The following DGKB variants were observed in gnomAD, a reference collection of about 807,000 sequenced individuals.
DGKB encodes the protein 90 kDa diacylglycerol kinase.
DGKB carries 67 observed loss-of-function variants against 114.3 expected under a neutral mutation model. That is an observed-to-expected ratio of 0.59 (90% CI 0.48 to 0.72). The LOEUF (loss-of-function observed/expected upper bound fraction) is 0.72. Among genes scored for constraint, DGKB ranks in the 30% least tolerant of loss-of-function variants. The pLI is 0.00. For missense variants in DGKB, 907 were observed against 975.2 expected (o/e 0.93, Z 0.93); for synonymous variants, 398 against 323.1 (o/e 1.23, Z -2.49).
At chr7:14,687,195 C>CTAT (rs143333901) in intron 9 of DGKB, among the ~76,000 whole-genome samples, 2,085 of 152,200 alleles carry the variant, frequency 0.014, 39 homozygotes, top group African/African-American at 0.048. Flanking sequence ...ATAACAAAGT[C>CTAT]TATTGTCTCT....
intron 23 of DGKB, among the ~76,000 whole-genome samples, chr7:14,179,987 C>A (rs1782393492): frequency 6.6e-6 from 1 of 152,158 alleles, no homozygotes; most frequent in Non-Finnish European, 1.5e-5. Flanking sequence ...GTAGCCGGCA[C>A]TAAAATGTGC....
chr7:14,313,202 C>A (rs566521321), intron 23 of DGKB, among the ~76,000 whole-genome samples: 2 of 152,314 alleles, frequency 1.3e-5, no homozygotes, highest in African/African-American at 4.8e-5. Flanking sequence ...TTTTTCCCAA[C>A]TACATATCTG....
chr7:14,829,798 T>G (rs958109261), intron 2 of DGKB, among the ~76,000 whole-genome samples: 4 of 152,154 alleles, frequency 2.6e-5, no homozygotes, highest in African/African-American at 9.6e-5. Context: ...GAAAGCAGCT[T>G]TGGAAAAGAC....
chr7:14,645,863 A>G (rs982919014), intron 13 of DGKB, among the ~76,000 whole-genome samples: 1 of 152,202 alleles, frequency 6.6e-6, no homozygotes, highest in African/African-American at 2.4e-5. Context: ...CAAAAGGATG[A>G]TATCTGCCAT....
Position 14,595,578 on chromosome 7 carries a change from T to A in DGKB, c.1433+11856A>T, listed in dbSNP as rs1563626788. On this transcript the variant is annotated intron_variant, in intron 17 of 25. Transcript: ENST00000402815. ...TATGCAAAATAAATGTGTACAAACT[T>A]TTATAAAAGTGATGTATATATATAA... 5.3e-5 allele frequency among the ~76,000 whole-genome samples: 8 copies of A among 151,092 alleles called. No individual in the cohort carries two copies. In the South Asian group the frequency reaches 1.7e-3, roughly 31 times the overall value.
intron 2 of DGKB, among the ~76,000 whole-genome samples, chr7:14,787,605 A>G (rs1336608001): frequency 2.0e-5 from 3 of 152,180 alleles, no homozygotes; most frequent in African/African-American, 7.2e-5. Flanking sequence ...AAATTCTTAA[A>G]GGTGAAGTGT....
chr7:14,835,561 G>T (rs1216245577), intron 2 of DGKB, among the ~76,000 whole-genome samples: 1 of 152,054 alleles, frequency 6.6e-6, no homozygotes, highest in Non-Finnish European at 1.5e-5. Context: ...CCAAAATAGA[G>T]CCAATCTAAC....
chr7:14,947,421 G>A (rs760516876), intron 1 of DGKB, among the ~76,000 whole-genome samples: 23 of 151,602 alleles, frequency 1.5e-4, no homozygotes, highest in Non-Finnish European at 3.4e-4. Context: ...TACTTTAAAA[G>A]ATTTATTCTT....
intron 23 of DGKB, among the ~76,000 whole-genome samples, chr7:14,328,195 G>C (rs147957498): frequency 3.3e-5 from 5 of 152,144 alleles, no homozygotes; most frequent in African/African-American, 4.8e-5. Context: ...AGCTTTTTGG[G>C]TTAAGAAGCA....
intron 13 of DGKB, among the ~76,000 whole-genome samples, chr7:14,650,135 A>G (rs1814116073): frequency 6.9e-6 from 1 of 145,838 alleles, no homozygotes; most frequent in Non-Finnish European, 1.5e-5. Context: ...TCAGCTCTGC[A>G]CCAAGTGGAC....
intron 1 of DGKB, among the ~76,000 whole-genome samples, chr7:14,921,258 A>G (rs1784497449): frequency 6.6e-6 from 1 of 152,158 alleles, no homozygotes; most frequent in African/African-American, 2.4e-5. Context: ...ATGAAATAAC[A>G]TTGTGCCAAT....
intron 21 of DGKB, among the ~76,000 whole-genome samples, chr7:14,425,087 A>T (rs1286558486): frequency 6.6e-6 from 1 of 152,114 alleles, no homozygotes; most frequent in African/African-American, 2.4e-5. Context: ...TTATCCCAGA[A>T]ATTATATAAT....
intron 23 of DGKB, among the ~76,000 whole-genome samples, chr7:14,280,208 G>A (rs374193924): frequency 2.1e-4 from 32 of 151,976 alleles, no homozygotes; most frequent in Non-Finnish European, 4.0e-4. Context: ...AACTACGTGA[G>A]GAATGCAGAA....
At chr7:14,608,018 A>C (rs2128782249) in intron 16 of DGKB, among the ~76,000 whole-genome samples, 1 of 152,098 alleles carries the variant, frequency 6.6e-6, no homozygotes, top group South Asian at 2.1e-4. Context: ...CATCTGGCCT[A>C]ATCATTTCAC....
intron 21 of DGKB, among the ~76,000 whole-genome samples, chr7:14,365,581 T>C (rs1356872834): frequency 1.3e-5 from 2 of 152,078 alleles, no homozygotes; most frequent in Non-Finnish European, 2.9e-5. Flanking sequence ...TTAATCATTA[T>C]ATTTTTAGCC....
At chr7:14,901,683 C>T (rs1783105698) in intron 1 of DGKB, among the ~76,000 whole-genome samples, 1 of 144,368 alleles carries the variant, frequency 6.9e-6, no homozygotes, top group Non-Finnish European at 1.5e-5. Context: ...GGTACCCCAA[C>T]ATTTTTAACA....
chr7:14,631,429 G>A (rs1387499665), intron 13 of DGKB, among the ~76,000 whole-genome samples: 1 of 151,984 alleles, frequency 6.6e-6, no homozygotes, highest in East Asian at 1.9e-4. Flanking sequence ...AAATTAAGGT[G>A]TTCAGGAATA....
chr7:14,645,702 A>C (rs1346049936), intron 13 of DGKB, among the ~76,000 whole-genome samples: 1 of 148,526 alleles, frequency 6.7e-6, no homozygotes, highest in Admixed American at 6.7e-5. Flanking sequence ...TGCTAAAAGA[A>C]AAAAAAAAAC....
intron 23 of DGKB, among the ~76,000 whole-genome samples, chr7:14,314,511 C>A (rs1372235669): frequency 6.6e-6 from 1 of 151,864 alleles, no homozygotes; most frequent in Non-Finnish European, 1.5e-5. Flanking sequence ...CCGATGTGAT[C>A]AACTGGAAGA....
Sources: gnomAD v4.1 joint callset for allele counts (sites outside exome capture counted in the v4.1 genomes callset) on GRCh38, gnomAD v4.1.1 for gene constraint, MANE v1.5 for transcripts, NCBI Gene and HGNC (gene_info 2026-07-23, HGNC 2026-07-21) for gene names.